Variants in SGCD observed in about 807,000 individuals in gnomAD.
SGCD encodes the protein sarcoglycan delta.
A neutral mutation model predicts 36.6 loss-of-function variants in SGCD; 18 were observed. The observed-to-expected ratio is 0.49, with a 90% CI of 0.34 to 0.73. The LOEUF is 0.73. Among genes scored for constraint, SGCD ranks in the 30% least tolerant of loss-of-function variants. The pLI is 0.01. For missense variants in SGCD, 387 were observed against 346.7 expected (o/e 1.12, Z -0.92); for synonymous variants, 133 against 130.6 (o/e 1.02, Z -0.12).
chr5:155,994,850 C>T (rs1758506812), intron 1 of SGCD, among the ~76,000 whole-genome samples: 1 of 152,114 alleles, frequency 6.6e-6, no homozygotes, highest in Non-Finnish European at 1.5e-5. Flanking sequence ...CTAGGGGCTG[C>T]GCTGAGCATG....
the SGCD span, among the ~76,000 whole-genome samples, chr5:155,731,901 C>G: frequency 6.6e-6 from 1 of 152,156 alleles, no homozygotes; most frequent in African/African-American, 2.4e-5. Context: ...GTATAGCACC[C>G]TTCTCTAATT....
chr5:156,689,244 C>G lies in SGCD; in HGVS notation c.575+41708C>G, dbSNP rs140570532. Among the ~76,000 whole-genome samples the G allele has an allele frequency of 2.0e-5, 3 of 152,252 alleles. No homozygotes were observed. The East Asian group carries it at 5.8e-4, about 29-fold the overall frequency. On this transcript the variant is annotated intron_variant, in intron 7 of 8. Coordinates refer to ENST00000337851, the MANE Select transcript of SGCD (RefSeq NM_000337.6). Reference sequence around the variant, plus strand: ...CCTGCACTATTTTTACAACTTTTCTCGAAATCCAAAATTAATCCAAGTATA... The same window carrying G: ...CCTGCACTATTTTTACAACTTTTCTGGAAATCCAAAATTAATCCAAGTATA...
chr5:156,001,116 T>C (rs1379291778), intron 1 of SGCD, among the ~76,000 whole-genome samples: 1 of 152,188 alleles, frequency 6.6e-6, no homozygotes, highest in Non-Finnish European at 1.5e-5. Flanking sequence ...ACCTGCTTGG[T>C]CTTTACACCA....
intron 2 of SGCD, among the ~76,000 whole-genome samples, chr5:156,331,548 A>G (rs990391452): frequency 5.3e-5 from 8 of 152,184 alleles, no homozygotes; most frequent in African/African-American, 1.9e-4. Flanking sequence ...CCTGATAAAA[A>G]CTATATTGCC....
chr5:156,069,446 T>A lies in SGCD; in HGVS notation c.-281-48432T>A, dbSNP rs548079225. The stretch of plus-strand genomic sequence containing the variant: ...ATCAGATAGTTGTAGATATGTGGCG[T>A]TATTTCTAAGGGGTCTCTTCCATTC... On this transcript the variant is annotated intron_variant, in intron 1 of 9. Transcript: ENST00000517913. Among the ~76,000 whole-genome samples, 10 of 152,192 alleles carry A rather than the reference T, an allele frequency of 6.6e-5. No homozygotes were observed. The South Asian group carries it at 1.7e-3, about 25-fold the overall frequency.
chr5:155,848,970 T>C, the SGCD span, among the ~76,000 whole-genome samples: 1 of 152,194 alleles, frequency 6.6e-6, no homozygotes, highest in South Asian at 2.1e-4. Context: ...TCAGTATTTT[T>C]GGTCATAGGT....
At chr5:156,740,935 T>C (rs1278495427) in intron 7 of SGCD, among the ~76,000 whole-genome samples, 1 of 152,204 alleles carries the variant, frequency 6.6e-6, no homozygotes, top group Non-Finnish European at 1.5e-5. Context: ...ACCAGTTTTT[T>C]CTAAGTTATT....
rs560457790 is a variant in SGCD, at chr5:156,031,383, T to C, written c.-281-86495T>C. Among the ~76,000 whole-genome samples the C allele has an allele frequency of 2.6e-5, 4 of 152,108 alleles. No homozygotes were observed. In the South Asian group the frequency reaches 8.3e-4, roughly 32 times the overall value. On this transcript the variant is annotated intron_variant, in intron 1 of 9. Coordinates refer to the SGCD transcript ENST00000517913. Reference sequence around the variant, plus strand: ...ACAGTGAGCAGGCAGAAGAGAAACATGAACTGGAGGAGGAGGAGTGGCAGT... The same window carrying C: ...ACAGTGAGCAGGCAGAAGAGAAACACGAACTGGAGGAGGAGGAGTGGCAGT...
intron 4 of SGCD, among the ~76,000 whole-genome samples, chr5:156,525,679 C>T (rs1178607496): frequency 1.3e-5 from 2 of 151,922 alleles, no homozygotes; most frequent in African/African-American, 4.8e-5. Flanking sequence ...GAGCTTTGCC[C>T]CTATGTTTTC....
chr5:155,956,440 T>C (rs769343486), intron 1 of SGCD, among the ~76,000 whole-genome samples: 1 of 152,254 alleles, frequency 6.6e-6, no homozygotes, highest in Middle Eastern at 3.4e-3. Flanking sequence ...TGACGGATGA[T>C]GGCTGCTCAT....
At chr5:156,590,053 C>T (rs1203170982) in intron 5 of SGCD, among the ~76,000 whole-genome samples, 1 of 152,138 alleles carries the variant, frequency 6.6e-6, no homozygotes, top group East Asian at 1.9e-4. Context: ...TGCACCCCCA[C>T]AGTGGAAGGG....
At chr5:156,247,939 A>C (rs1765479420) in intron 3 of SGCD, among the ~76,000 whole-genome samples, 1 of 152,232 alleles carries the variant, frequency 6.6e-6, no homozygotes, top group Non-Finnish European at 1.5e-5. Context: ...CTGTAATTAT[A>C]AACTGAAGTA....
chr5:156,599,804 C>T (rs1358912242), intron 6 of SGCD, among the ~76,000 whole-genome samples: 1 of 152,210 alleles, frequency 6.6e-6, no homozygotes, highest in African/African-American at 2.4e-5. Context: ...ATTAAAAACA[C>T]AGGTTTTGTA....
intron 3 of SGCD, among the ~76,000 whole-genome samples, chr5:156,395,212 A>G (rs1771785402): frequency 6.6e-6 from 1 of 152,234 alleles, no homozygotes. Flanking sequence ...TATAATGGAC[A>G]AAAGGGAAGA....
the SGCD span, among the ~76,000 whole-genome samples, chr5:155,742,305 C>T: frequency 6.6e-6 from 1 of 152,138 alleles, no homozygotes; most frequent in South Asian, 2.1e-4. Context: ...CAATTGTATG[C>T]ACTTTTTTCC....
At chr5:155,888,201 C>T (rs72797614) in intron 1 of SGCD, among the ~76,000 whole-genome samples, 56 of 152,278 alleles carry the variant, frequency 3.7e-4, no homozygotes, top group Non-Finnish European at 6.0e-4. Flanking sequence ...GTCACTTTGT[C>T]CCCAGGTTCT....
chr5:156,159,077 G>A (rs749911782), intron 3 of SGCD, among the ~76,000 whole-genome samples: 2 of 151,498 alleles, frequency 1.3e-5, no homozygotes, highest in Non-Finnish European at 2.9e-5. Context: ...ACTTTTATTA[G>A]CGTATGTGAC....
At position 156,580,317 on chromosome 5, in the gene SGCD, C is replaced by T. The variant is rs186221426; in HGVS notation, c.295-8914C>T. On this transcript the variant is annotated intron_variant, in intron 4 of 8. Coordinates refer to ENST00000337851, the MANE Select transcript of SGCD (RefSeq NM_000337.6). ...CTGTTGGGCTTCCCTTTGTGGGTAA[C>T]CCAACCGTTCTCTTTGGCTGCCTTT... 8.8e-4 allele frequency among the ~76,000 whole-genome samples: 134 copies of T among 152,290 alleles called. No individual in the cohort carries two copies. In the Middle Eastern group the frequency reaches 0.027, roughly 31 times the overall value.
At chr5:155,880,861 C>A (rs1486291303) in intron 1 of SGCD, among the ~76,000 whole-genome samples, 1 of 152,038 alleles carries the variant, frequency 6.6e-6, no homozygotes, top group African/African-American at 2.4e-5. Flanking sequence ...ATCGTCTGAA[C>A]CAGATCTATC....
Sources: allele counts gnomAD v4.1 joint callset (sites outside exome capture counted in the v4.1 genomes callset), GRCh38; gene constraint gnomAD v4.1.1; transcripts MANE v1.5; gene names NCBI Gene and HGNC (gene_info 2026-07-23, HGNC 2026-07-21).